Variants in MAPK8 observed in about 807,000 individuals in gnomAD.
MAPK8 encodes JUN N-terminal kinase.
Under a neutral mutation model 52.9 loss-of-function variants are expected in MAPK8, and 13 were observed. The ratio of observed to expected loss-of-function variants is 0.25; its 90% CI spans 0.16 to 0.39. The LOEUF (loss-of-function observed/expected upper bound fraction) is 0.39. MAPK8 is among the 10% of genes least tolerant of loss of function. MAPK8 has a pLI of 1.00. For synonymous variants in MAPK8, 191 were observed against 169.8 expected, an observed-to-expected ratio of 1.12 and a Z score of -0.97; for missense variants, 300 against 519.2, an observed-to-expected ratio of 0.58 and a Z score of 4.10.
intron 2 of MAPK8, among the ~76,000 whole-genome samples, chr10:48,403,604 G>T (rs748094833): frequency 6.6e-6 from 1 of 152,058 alleles, no homozygotes; most frequent in African/African-American, 2.4e-5. Flanking sequence ...TTTGTAAGCC[G>T]TTTTGACTGG....
intron 5 of MAPK8, among the ~76,000 whole-genome samples, chr10:48,417,253 C>G (rs1337592376): frequency 6.6e-6 from 1 of 152,164 alleles, no homozygotes; most frequent in Non-Finnish European, 1.5e-5. Context: ...GATTTCTTAT[C>G]TTTCTGATTG....
At chr10:48,398,695 T>C (rs747231658) in intron 1 of MAPK8, among the ~76,000 whole-genome samples, 2 of 152,234 alleles carry the variant, frequency 1.3e-5, no homozygotes, top group Non-Finnish European at 2.9e-5. Context: ...ATGAAATTTA[T>C]TCCCTAGTAA....
intron 9 of MAPK8, 116 bp downstream of exon 9, chr10:48,426,620 G>A (rs530311644): frequency 1.3e-4 from 127 of 942,828 alleles, no homozygotes; most frequent in Non-Finnish European, 1.7e-4. Flanking sequence ...TGATGATGAT[G>A]TTTTTCTGTT....
At chr10:48,418,573 A>G (rs919403340) in intron 5 of MAPK8, among the ~76,000 whole-genome samples, 2 of 152,144 alleles carry the variant, frequency 1.3e-5, no homozygotes, top group Non-Finnish European at 2.9e-5. Flanking sequence ...ACTTCCACTC[A>G]CATCCCATGA....
chr10:48,352,403 G>A (rs1441506791), intron 1 of MAPK8, among the ~76,000 whole-genome samples: 1 of 151,998 alleles, frequency 6.6e-6, no homozygotes, highest in African/African-American at 2.4e-5. Context: ...TAATCCAACG[G>A]TATATAAATA....
chr10:48,381,938 G>A (rs1407235482), intron 1 of MAPK8, among the ~76,000 whole-genome samples: 2 of 152,140 alleles, frequency 1.3e-5, no homozygotes, highest in African/African-American at 4.8e-5. Context: ...GATTATGAAG[G>A]GGCAGGGCCT....
At chr10:48,402,542 CAG>C (rs1329623799) in intron 2 of MAPK8, among the ~76,000 whole-genome samples, 2 of 152,306 alleles carry the variant, frequency 1.3e-5, no homozygotes, top group Non-Finnish European at 2.9e-5. Flanking sequence ...AACTGAAATG[CAG>C]ATCACTCTTT....
chr10:48,400,014 T>A (rs1051448666), intron 1 of MAPK8, among the ~76,000 whole-genome samples: 2 of 152,226 alleles, frequency 1.3e-5, no homozygotes, highest in African/African-American at 4.8e-5. Flanking sequence ...CCAACACTCC[T>A]CTTCCACTCT....
intron 1 of MAPK8, among the ~76,000 whole-genome samples, chr10:48,397,637 C>G (rs2041955343): frequency 6.6e-6 from 1 of 152,070 alleles, no homozygotes; most frequent in African/African-American, 2.4e-5. Context: ...GTCACCCAGG[C>G]TGGAGTGCAG....
chr10:48,418,378 G>C (rs185825770), intron 5 of MAPK8, among the ~76,000 whole-genome samples: 2 of 152,244 alleles, frequency 1.3e-5, no homozygotes, highest in East Asian at 1.9e-4. Flanking sequence ...ATTCTCAGTG[G>C]CTTAGCACGA....
At position 48,420,114 on chromosome 10, in the gene MAPK8, A is replaced by G. The variant is rs200120660; in HGVS notation, c.451-41A>G. On this transcript the variant is annotated intron_variant, in intron 5 of 11. Transcript: ENST00000374189. ...TTATTGTGAACTGTAGGATTTTCCTATATATCATGGCAGTCATTTTTTAAT... is the reference window on the plus strand; with the variant it reads ...TTATTGTGAACTGTAGGATTTTCCTGTATATCATGGCAGTCATTTTTTAAT... The G allele has an allele frequency of 1.8e-4, 259 of 1,457,294 alleles. 2 individuals carry two copies. The East Asian group carries it at 5.5e-3, about 31-fold the overall frequency. 90.3% of individuals were successfully genotyped at this position (1,457,294 alleles called of 1,614,324 possible). A position where few individuals can be genotyped will look rare whatever the true frequency, so the allele number is the denominator to read the frequency against.
At chr10:48,327,143 A>G (rs1843608601) in intron 1 of MAPK8, among the ~76,000 whole-genome samples, 1 of 151,960 alleles carries the variant, frequency 6.6e-6, no homozygotes, top group Non-Finnish European at 1.5e-5. Context: ...TTTTTGCCTT[A>G]TTCTTGTTCT....
At chr10:48,388,775 G>T (rs950912975) in intron 1 of MAPK8, among the ~76,000 whole-genome samples, 1 of 152,262 alleles carries the variant, frequency 6.6e-6, no homozygotes, top group African/African-American at 2.4e-5. Flanking sequence ...AACATAGGCT[G>T]TCTCAGTCTG....
chr10:48,363,400 CTGTAA>C (rs1847736770), intron 1 of MAPK8, among the ~76,000 whole-genome samples: 1 of 152,088 alleles, frequency 6.6e-6, no homozygotes, highest in African/African-American at 2.4e-5. Flanking sequence ...TTCTTATTTT[CTGTAA>C]TGTGTTTTAT....
At chr10:48,350,095 TA>T (rs2132424697) in intron 1 of MAPK8, among the ~76,000 whole-genome samples, 1 of 152,132 alleles carries the variant, frequency 6.6e-6, no homozygotes, top group South Asian at 2.1e-4. Flanking sequence ...AATAGACCAA[TA>T]ACAAGTTCTG....
At chr10:48,323,568 C>T (rs973081288) in intron 1 of MAPK8, among the ~76,000 whole-genome samples, 10 of 152,182 alleles carry the variant, frequency 6.6e-5, no homozygotes, top group African/African-American at 2.4e-4. Context: ...TTTGATTTAG[C>T]ATGCCATCTT....
At chr10:48,348,158 C>A (rs1314827867) in intron 1 of MAPK8, among the ~76,000 whole-genome samples, 6 of 152,132 alleles carry the variant, frequency 3.9e-5, no homozygotes, top group African/African-American at 1.4e-4. Context: ...ATGAGCTTTT[C>A]TTCATGTGTT....
intron 1 of MAPK8, among the ~76,000 whole-genome samples, chr10:48,389,055 T>C (rs1589154991): frequency 6.6e-6 from 1 of 152,160 alleles, no homozygotes; most frequent in African/African-American, 2.4e-5. Context: ...TTTGGTTAAA[T>C]TGTAGACAAG....
chr10:48,365,160 G>A (rs1847914328), intron 1 of MAPK8, among the ~76,000 whole-genome samples: 1 of 152,074 alleles, frequency 6.6e-6, no homozygotes, highest in African/African-American at 2.4e-5. Context: ...TTGTTTAAGA[G>A]TCCTTGCAGC....
Sources: allele counts gnomAD v4.1 joint callset (sites outside exome capture counted in the v4.1 genomes callset), GRCh38; gene constraint gnomAD v4.1.1; transcripts MANE v1.5; gene names NCBI Gene and HGNC (gene_info 2026-07-23, HGNC 2026-07-21).